The following RIOK1 variants were observed in gnomAD, a reference collection of about 807,000 sequenced individuals.
The protein encoded by RIOK1 is RIO kinase 1.
In RIOK1, 66 loss-of-function variants were observed where a neutral mutation model predicts 73.5. That is an observed-to-expected ratio of 0.90 (90% CI 0.74 to 1.10). RIOK1 has a LOEUF of 1.10. Ranked by LOEUF, RIOK1 falls within the 50% of genes least tolerant of loss-of-function variation. RIOK1 has a pLI of 0.00. For missense variants in RIOK1, 658 were observed against 699.8 expected (o/e 0.94, Z 0.67); for synonymous variants, 224 against 226.8 (o/e 0.99, Z 0.11).
At chr6:7,410,207 T>C (rs549934980) in intron 12 of RIOK1, among the ~76,000 whole-genome samples, 179 bp from the exon 13 acceptor site, 113 of 152,324 alleles carry the variant, frequency 7.4e-4, no homozygotes, top group South Asian at 1.9e-3. Context: ...GATGGCAGCC[T>C]TTTTGGTGAG....
At chr6:7,390,183 C>T (rs1561872286) in intron 1 of RIOK1, 110 bp downstream of exon 1, 1 of 875,918 alleles carries the variant, frequency 1.1e-6, no homozygotes, top group South Asian at 1.6e-5. Context: ...GTTCATCACT[C>T]AGCGTCTCTC....
rs775270644 is a variant in RIOK1, at chr6:7,414,377, A to G, written c.1583A>G (p.Asp528Gly). The G allele has an allele frequency of 3.7e-6, 6 of 1,602,080 alleles. No homozygotes were observed. The highest frequency in any genetic ancestry group is 1.7e-4 in the Middle Eastern group (1 of 6,020). ...ARPKKHTTDP[D>G]IDKKERKKMV... is the part of the protein sequence containing the mutation. Reference sequence around the variant, plus strand: ...CCCAAGAAACACACCACGGACCCTGACATTGATAAAAAAGTAAGCAATGAA... The same window carrying G: ...CCCAAGAAACACACCACGGACCCTGGCATTGATAAAAAAGTAAGCAATGAA... Residue 528 changes from aspartate (D) to glycine (G), a missense_variant, in exon 16 of 17, where the codon GAC (aspartate) becomes GGC (glycine). Physicochemically the swap from Asp to Gly is moderately conservative, Grantham distance 94. Transcript: ENST00000379834.
chr6:7,394,997 T>G, intron 2 of RIOK1, 56 bp from the exon 3 acceptor site: 1 of 1,601,782 alleles, frequency 6.2e-7, no homozygotes. Flanking sequence ...AATGTGATGA[T>G]GAATCTTAGG....
intron 10 of RIOK1, 73 bp downstream of exon 10, chr6:7,404,628 A>C: frequency 6.5e-7 from 1 of 1,542,884 alleles, no homozygotes; most frequent in Admixed American, 1.8e-5. Flanking sequence ...ACAAAATCCC[A>C]ATCCAAGAAG....
chr6:7,395,954 C>A (rs143269233), intron 3 of RIOK1, among the ~76,000 whole-genome samples: 1 of 152,106 alleles, frequency 6.6e-6, no homozygotes, highest in African/African-American at 2.4e-5. Context: ...GTGATCTGTC[C>A]GCCTCAGCCT....
intron 13 of RIOK1, 58 bp downstream of exon 13, chr6:7,410,509 T>G: frequency 8.6e-7 from 1 of 1,169,468 alleles, no homozygotes; most frequent in Non-Finnish European, 1.3e-6. Flanking sequence ...AGGGTTTTTT[T>G]TTTTATGTTG....
At position 7,404,471 on chromosome 6, in the gene RIOK1, T is replaced by C. The variant is rs1029197347; in HGVS notation, c.908T>C (p.Leu303Ser). Reference protein sequence around the residue: ...VQLSESKARELYLQVIQYMRR... With the variant: ...VQLSESKARESYLQVIQYMRR... The stretch of plus-strand genomic sequence containing the variant: ...TTATCAGAATCCAAGGCTCGGGAGT[T>C]GTACCTGCAGGTCATTCAGTACATG... Residue 303 changes from leucine to serine, a missense_variant, in exon 10 of 17, where the codon TTG becomes TCG. Transcript: ENST00000379834. 9 of 1,614,068 alleles carry C rather than the reference T, an allele frequency of 5.6e-6. 1 individual carries two copies. The highest frequency in any genetic ancestry group is 7.6e-6 in the Non-Finnish European group (9 of 1,180,034).
In RIOK1 at chr6:7,404,401, A is replaced by C; in HGVS notation, c.855-17A>C. 2 of 1,613,522 alleles carry C rather than the reference A, an allele frequency of 1.2e-6. No homozygotes were observed. Among genetic ancestry groups the C allele is most frequent in the South Asian group, 2.2e-5 (2 of 91,050 alleles). On this transcript the variant is annotated splice_polypyrimidine_tract_variant and intron_variant, in intron 9 of 16. Coordinates refer to ENST00000379834, the MANE Select transcript of RIOK1 (RefSeq NM_031480.3). ...AACTTGTTCTTGGTCATTTTATCTT[A>C]GTTCTTTTCATTCAAGGCCTGCACC...
intron 12 of RIOK1, among the ~76,000 whole-genome samples, chr6:7,410,161 G>A (rs1455343076): frequency 6.6e-6 from 1 of 152,162 alleles, no homozygotes; most frequent in Non-Finnish European, 1.5e-5. Context: ...GATCCCCCTA[G>A]GCTAGAAGAG....
intron 16 of RIOK1, among the ~76,000 whole-genome samples, chr6:7,415,669 A>G (rs1761983152): frequency 6.6e-6 from 1 of 152,234 alleles, no homozygotes; most frequent in South Asian, 2.1e-4. Context: ...GAAGGTTTCA[A>G]AGGTTTCAGC....
chr6:7,400,173 C>T (rs1361441359), intron 5 of RIOK1, among the ~76,000 whole-genome samples: 1 of 152,114 alleles, frequency 6.6e-6, no homozygotes, highest in Non-Finnish European at 1.5e-5. Context: ...AAATGCTTAC[C>T]GTGATTTACT....
intron 12 of RIOK1, among the ~76,000 whole-genome samples, chr6:7,409,213 TTGTGTGTGTGTGTGTGTG>T (rs58234662): frequency 0.02 from 1,726 of 88,244 alleles, 54 homozygotes; most frequent in African/African-American, 0.068. Context: ...TCCCGACTAA[TTGTGTGTGTGTGTGTGTG>T]TGTGTGTGTG....
chr6:7,411,562 G>A (rs1581722927), intron 14 of RIOK1, 111 bp downstream of exon 14: 2 of 1,150,916 alleles, frequency 1.7e-6, no homozygotes, highest in East Asian at 5.0e-5. Context: ...TGGCTTCTGA[G>A]CTAGTGAAAT....
In RIOK1 at chr6:7,410,328, T is replaced by C. The variant is rs1761855715; in HGVS notation, c.1204-58T>C. ...ACAATTTTATACCAAAACTGGGACA[T>C]GGATGTGCCTTCTGCAGTTTGAATA... On this transcript the variant is annotated intron_variant, in intron 12 of 16. Transcript: ENST00000379834. The C allele has an allele frequency of 3.4e-6, 4 of 1,182,746 alleles. No individual in the cohort carries two copies. The Admixed American group carries it at 5.4e-5, about 16-fold the overall frequency. The allele number at this position is 1,182,746 out of a possible 1,614,324, so 73.3% of individuals were successfully genotyped here.
At chr6:7,403,898 T>C (rs374893676) in intron 8 of RIOK1, 43 bp from the exon 9 acceptor site, 1 of 1,445,278 alleles carries the variant, frequency 6.9e-7, no homozygotes. Context: ...TTAGATGCCT[T>C]TTCAACTTTT....
chr6:7,403,960 C>A lies in RIOK1; in HGVS notation c.787C>A (p.Pro263Thr). The A allele has an allele frequency of 6.2e-7, 1 of 1,611,618 alleles. No homozygotes were observed. Among genetic ancestry groups the A allele is most frequent in the Non-Finnish European group, 8.5e-7 (1 of 1,178,472 alleles). The change falls in exon 9 of 17, where the codon CCA becomes ACA. Residue 263 changes from proline to threonine, a missense_variant. Pro to Thr is a conservative substitution (Grantham distance 38, BLOSUM62 -1). Coordinates refer to ENST00000379834, the MANE Select transcript of RIOK1 (RefSeq NM_031480.3). Reference sequence around the variant, plus strand: ...TCACAGGCTAAACACAGCAGAGATACCATGTCCAGAACCAATAATGCTAAG... The same window carrying A: ...TCACAGGCTAAACACAGCAGAGATAACATGTCCAGAACCAATAATGCTAAG... ...NLIRLNTAEI[P>T]CPEPIMLRSH...
rs773927098 is a variant in RIOK1, at chr6:7,402,714, A to G, written c.685A>G (p.Arg229Gly). The G allele has an allele frequency of 1.9e-6, 3 of 1,607,764 alleles. No individual in the cohort carries two copies. Among genetic ancestry groups the G allele is most frequent in the Non-Finnish European group, 2.5e-6 (3 of 1,176,698 alleles). ...GGATAAATATGTAAGTGGAGAATTC[A>G]GGTAAGTTCAGATTTTTCCCTCCAG... Reference protein sequence around the residue: ...DRDKYVSGEFRFRHGYCKGNP... With the variant: ...DRDKYVSGEFGFRHGYCKGNP... The change falls in exon 7 of 17, where the codon AGA becomes GGA. Residue 229 changes from arginine to glycine, a missense_variant and splice_region_variant. By Grantham distance (125) the Arg-to-Gly change is moderately radical (BLOSUM62 -2). Coordinates refer to ENST00000379834, the MANE Select transcript of RIOK1 (RefSeq NM_031480.3).
At chr6:7,409,209 CTAAT>C (rs1242458738) in intron 12 of RIOK1, among the ~76,000 whole-genome samples, 1 of 135,744 alleles carries the variant, frequency 7.4e-6, no homozygotes, top group Non-Finnish European at 1.6e-5. Context: ...CCACTCCCGA[CTAAT>C]TGTGTGTGTG....
At chr6:7,395,660 A>G (rs565004739) in intron 3 of RIOK1, among the ~76,000 whole-genome samples, 2 of 152,122 alleles carry the variant, frequency 1.3e-5, no homozygotes, top group Admixed American at 6.5e-5. Context: ...CCCACTTGCC[A>G]TAGGAATGTA....
Sources: gnomAD v4.1 joint callset for allele counts (sites outside exome capture counted in the v4.1 genomes callset) on GRCh38, gnomAD v4.1.1 for gene constraint, MANE v1.5 for transcripts, NCBI Gene and HGNC (gene_info 2026-07-23, HGNC 2026-07-21) for gene names.